ABCA8: variants seen among roughly 807,000 people sequenced by gnomAD.
ABCA8 encodes ATP binding cassette subfamily A member 8.
ABCA8 carries 177 observed loss-of-function variants against 192.3 expected under a neutral mutation model. The ratio of observed to expected loss-of-function variants is 0.92; its 90% CI spans 0.81 to 1.04. The LOEUF is 1.04. ABCA8 is among the 50% of genes least tolerant of loss of function. The pLI is 0.00. For missense variants in ABCA8, 1,915 were observed against 1,904.8 expected (o/e 1.01, Z -0.10); for synonymous variants, 642 against 690.2 (o/e 0.93, Z 1.09).
chr17:68,953,129 CT>C (rs1453675352), intron 1 of ABCA8, among the ~76,000 whole-genome samples: 1 of 152,140 alleles, frequency 6.6e-6, no homozygotes, highest in Non-Finnish European at 1.5e-5. Context: ...AGAAAACAGG[CT>C]ACCTAAGCTG....
At chr17:68,944,092 G>A (rs1333760011) in intron 2 of ABCA8, among the ~76,000 whole-genome samples, 1 of 151,398 alleles carries the variant, frequency 6.6e-6, no homozygotes, top group Non-Finnish European at 1.5e-5. Flanking sequence ...CTCATAAGTG[G>A]GAGTTGAACA....
At position 68,919,476 on chromosome 17, in the gene ABCA8, C is replaced by T. The variant is rs1473270437; in HGVS notation, c.1613G>A (p.Gly538Asp). Reference protein sequence around the residue: ...ILSGLSVPTKGSVTIYNNKLS... With the variant: ...ILSGLSVPTKDSVTIYNNKLS... ...CTTATTGTTATAGATGGTGACTGAA[C>T]CTGTAACAAAGGAAAAGTTAATATC... is the stretch of plus-strand genomic sequence containing the variant. Residue 538 changes from glycine (G) to aspartate (D), a missense_variant and splice_region_variant, in exon 14 of 40, where the codon GGT (glycine) becomes GAT (aspartate). Transcript: ENST00000586539. 3 of 1,609,004 alleles carry T rather than the reference C, an allele frequency of 1.9e-6. No homozygotes were observed. The highest frequency in any genetic ancestry group is 1.3e-5 in the African/African-American group (1 of 74,694).
intron 15 of ABCA8, 29 bp downstream of exon 15, chr17:68,918,397 GA>G: frequency 6.4e-7 from 1 of 1,550,752 alleles, no homozygotes; most frequent in Non-Finnish European, 8.7e-7. Flanking sequence ...TTTAAACTTT[GA>G]ATTCACCTGC....
chr17:68,895,260 A>G (rs1260999052), intron 21 of ABCA8, among the ~76,000 whole-genome samples: 3 of 152,196 alleles, frequency 2.0e-5, no homozygotes, highest in African/African-American at 7.2e-5. Context: ...AGATTTTAGA[A>G]TCTTGCAATG....
At chr17:68,941,793 G>T in intron 3 of ABCA8, 146 bp downstream of exon 3, 1 of 547,122 alleles carries the variant, frequency 1.8e-6, no homozygotes, top group Non-Finnish European at 3.2e-6. Flanking sequence ...ATGGCCTGAA[G>T]AATAGCGTTT....
At chr17:68,936,122 G>A (rs1289810392) in intron 5 of ABCA8, among the ~76,000 whole-genome samples, 1 of 151,912 alleles carries the variant, frequency 6.6e-6, no homozygotes, top group Non-Finnish European at 1.5e-5. Context: ...TCCATCTGTA[G>A]GTCATCTGTT....
chr17:68,881,881 A>C lies in ABCA8; in HGVS notation c.3928T>G (p.Ser1310Ala). Residue 1310 changes from serine to alanine, a missense_variant, in exon 31 of 40, where the codon TCC (serine) becomes GCC (alanine). Physicochemically the swap from Ser to Ala is moderately conservative, Grantham distance 99. Transcript: ENST00000586539. The stretch of plus-strand genomic sequence containing the variant: ...GGCCAACCTTTTCTAACACAGAAGG[A>C]GACATTTCTCGTGGCTATCTTATTC... ...RKNKIATRNV[S>A]FCVRKGEVLG... 1 of 1,613,886 alleles carries C rather than the reference A, an allele frequency of 6.2e-7. No homozygotes were observed. Among genetic ancestry groups the C allele is most frequent in the Non-Finnish European group, 8.5e-7 (1 of 1,179,762 alleles).
intron 25 of ABCA8, 42 bp from the exon 26 acceptor site, chr17:68,887,172 C>A: frequency 6.9e-7 from 1 of 1,449,656 alleles, no homozygotes; most frequent in Non-Finnish European, 9.4e-7. Context: ...AATACAAATG[C>A]AATCAAGGAA....
intron 21 of ABCA8, among the ~76,000 whole-genome samples, chr17:68,895,518 A>C (rs1341075251): frequency 6.6e-6 from 1 of 152,232 alleles, no homozygotes; most frequent in Non-Finnish European, 1.5e-5. Flanking sequence ...TTATAAGAGC[A>C]TACAGAAAAT....
At chr17:68,898,514 G>T (rs1290273914) in intron 21 of ABCA8, among the ~76,000 whole-genome samples, 1 of 152,144 alleles carries the variant, frequency 6.6e-6, no homozygotes, top group Admixed American at 6.5e-5. Context: ...GAATCCAAGT[G>T]AAAAGGCCAA....
chr17:68,940,911 T>A lies in ABCA8; in HGVS notation c.148A>T (p.Ser50Cys). 6.2e-7 allele frequency: 1 copy of A among 1,612,522 alleles called. No homozygotes were observed. Among genetic ancestry groups the A allele is most frequent in the Non-Finnish European group, 8.5e-7 (1 of 1,178,704 alleles). Residue 50 changes from serine (S) to cysteine (C), a missense_variant, in exon 4 of 40, where the codon AGT (serine) becomes TGT (cysteine). Ser to Cys is a moderately radical substitution (Grantham distance 112). Transcript: ENST00000586539. The stretch of plus-strand genomic sequence containing the variant: ...GAAGAAAAATCATTTACTTGATGAC[T>A]ATGAGGATATATATACAAACAAAGT... ...LLLCLYIYPH[S>C]HQVNDFSSLL...
chr17:68,901,264 G>T (rs1459813645), intron 21 of ABCA8, among the ~76,000 whole-genome samples: 4 of 94,728 alleles, frequency 4.2e-5, no homozygotes, highest in Non-Finnish European at 9.6e-5. Context: ...TCTGATAAAA[G>T]AATTTTTATC....
chr17:68,913,496 A>G (rs535160291), intron 17 of ABCA8, among the ~76,000 whole-genome samples: 1 of 152,118 alleles, frequency 6.6e-6, no homozygotes, highest in East Asian at 1.9e-4. Context: ...CCAGACTAAA[A>G]AAAAGAAAAA....
intron 37 of ABCA8, among the ~76,000 whole-genome samples, chr17:68,870,522 CT>C (rs2066021808): frequency 6.6e-6 from 1 of 152,152 alleles, no homozygotes; most frequent in African/African-American, 2.4e-5. Flanking sequence ...TTCTCATATT[CT>C]TCTCTCCCCA....
At chr17:68,894,335 A>C in intron 22 of ABCA8, 25 bp from the exon 23 acceptor site, 1 of 1,569,870 alleles carries the variant, frequency 6.4e-7, no homozygotes, top group Non-Finnish European at 8.6e-7. Flanking sequence ...GTAGGATATA[A>C]GTTCTCAAAT....
rs866715180 is a variant in ABCA8, at chr17:68,935,082, A to G, written c.467-1811T>C. Among the ~76,000 whole-genome samples the G allele has an allele frequency of 2.3e-3, 313 of 137,932 alleles. 2 individuals are homozygous for G. Among genetic ancestry groups the G allele is most frequent in the African/African-American group, 8.0e-3 (300 of 37,308 alleles). 90.5% of individuals were successfully genotyped at this position (137,932 alleles called of 152,430 possible). On this transcript the variant is annotated intron_variant, in intron 5 of 39. Transcript: ENST00000586539. ...ATTTTTCTGTTATAAACACTTTATCACCTTTTTTTTTTTTTTTTTAGAGAT... is the reference window on the plus strand; with the variant it reads ...ATTTTTCTGTTATAAACACTTTATCGCCTTTTTTTTTTTTTTTTTAGAGAT...
In ABCA8 at chr17:68,929,612, C is replaced by A. The variant is rs181049116; in HGVS notation, c.888G>T (p.Leu296Phe). The A allele has an allele frequency of 4.3e-6, 7 of 1,613,548 alleles. No homozygotes were observed. The East Asian group carries it at 1.6e-4, about 36-fold the overall frequency. ...GGCTGAAGACTACCATGAAGCCAGA[C>A]AAAATGATAAACTGGGTAGATCTTA... The part of the protein sequence containing the change: ...LVIRSTQFII[L>F]SGFMVVFSLF... Residue 296 changes from leucine (L) to phenylalanine (F), a missense_variant, in exon 8 of 40, where the codon TTG becomes TTT. Coordinates refer to ENST00000586539, the MANE Select transcript of ABCA8 (RefSeq NM_001288985.2).
At chr17:68,950,541 CTTTTTA>C (rs962026379) in intron 1 of ABCA8, among the ~76,000 whole-genome samples, 6 of 152,062 alleles carry the variant, frequency 3.9e-5, no homozygotes, top group African/African-American at 4.8e-5. Context: ...TTTTAAGCTT[CTTTTTA>C]TTTTTATTCA....
At chr17:68,926,206 A>T (rs1355333344) in intron 10 of ABCA8, among the ~76,000 whole-genome samples, 5 of 152,238 alleles carry the variant, frequency 3.3e-5, no homozygotes. Context: ...ATAAAATTTA[A>T]ATTGGTTAGA....
Sources: allele counts gnomAD v4.1 joint callset (sites outside exome capture counted in the v4.1 genomes callset), GRCh38; gene constraint gnomAD v4.1.1; transcripts MANE v1.5; gene names NCBI Gene and HGNC (gene_info 2026-07-23, HGNC 2026-07-21).